Variants in ABAT observed in about 807,000 individuals in gnomAD.
ABAT encodes the protein 4-aminobutyrate aminotransferase, mitochondrial.
Under a neutral mutation model 64.6 loss-of-function variants are expected in ABAT, and 45 were observed. The ratio of observed to expected loss-of-function variants is 0.70; its 90% confidence interval spans 0.55 to 0.89. ABAT has a LOEUF of 0.89. Among genes scored for constraint, ABAT ranks in the 40% least tolerant of loss-of-function variants. The pLI, the probability that ABAT is intolerant of heterozygous loss-of-function variation, is 0.00. For synonymous variants in ABAT, 297 were observed against 250.5 expected (o/e 1.19, Z -1.75); for missense variants, 633 against 658.4 (o/e 0.96, Z 0.42).
chr16:8,735,670 C>T lies in ABAT; in HGVS notation c.-41-29C>T, dbSNP rs770877180. On this transcript the variant is annotated intron_variant, in intron 1 of 15. Coordinates refer to ENST00000268251, the MANE Select transcript of ABAT (RefSeq NM_020686.6). The stretch of plus-strand genomic sequence containing the variant: ...CTGAGAGGGGAGTGGTCTTCATGGG[C>T]CTAAGTCTGCATTTCTGGTTTCTTT... 29 of 1,537,772 alleles carry T rather than the reference C, an allele frequency of 1.9e-5. No individual in the cohort carries two copies. In the Admixed American group the frequency reaches 4.3e-4, roughly 23 times the overall value.
At chr16:8,768,103 A>G (rs1200157702) in intron 9 of ABAT, 90 bp from the exon 10 acceptor site, 3 of 1,377,132 alleles carry the variant, frequency 2.2e-6, no homozygotes, top group Non-Finnish European at 1.0e-6. Flanking sequence ...CTTCTGATAG[A>G]TTTCTGTGTC....
Position 8,764,170 on chromosome 16 carries a change from C to T in ABAT, c.447+21C>T. 6.2e-7 allele frequency: 1 copy of T among 1,602,902 alleles called. No homozygotes were observed. Among genetic ancestry groups the T allele is most frequent in the Non-Finnish European group, 8.5e-7 (1 of 1,171,006 alleles). Reference sequence around the variant, plus strand: ...TCTCGGTGAGTTCTGGAGAAGCAATCCCATTGTCTTCAGACGTGGTACTGG... The same window carrying T: ...TCTCGGTGAGTTCTGGAGAAGCAATTCCATTGTCTTCAGACGTGGTACTGG... On this transcript the variant is annotated intron_variant, in intron 7 of 15. Transcript: ENST00000268251. This position sits in a 1 kb window ranked among gnomAD's most constrained non-coding sequence, Gnocchi z 4.2.
At chr16:8,737,991 G>GAAAGAAAGAAAGAAAAAGAAAGAAAGAAA (rs55862439) in intron 2 of ABAT, among the ~76,000 whole-genome samples, 1 of 14,962 alleles carries the variant, frequency 6.7e-5, no homozygotes. Context: ...GAAGGAAGGA[G>GAAAGAAAGAAAGAAAAAGAAAGAAAGAAA]GAAAGAAAGA....
intron 1 of ABAT, among the ~76,000 whole-genome samples, chr16:8,707,247 T>C (rs2057967195): frequency 1.3e-5 from 2 of 151,810 alleles, no homozygotes; most frequent in South Asian, 2.1e-4. Flanking sequence ...AGTACAGTGG[T>C]GCAATCATGG....
At position 8,722,369 on chromosome 16, in the gene ABAT, G is replaced by A. The variant is rs78392489; in HGVS notation, c.-41-13330G>A. 5.9e-3 allele frequency among the ~76,000 whole-genome samples: 905 copies of A among 152,242 alleles called. 6 individuals are homozygous for A. The highest frequency in any genetic ancestry group is 0.012 in the South Asian group (59 of 4,830). On this transcript the variant is annotated intron_variant, in intron 1 of 15. Transcript: ENST00000268251. Reference sequence around the variant, plus strand: ...TATGTTAGCCAGGCTAGTCTCAAACGCCTGGCCTCAGCTGATCCATCTGCC... The same window carrying A: ...TATGTTAGCCAGGCTAGTCTCAAACACCTGGCCTCAGCTGATCCATCTGCC...
chr16:8,721,828 A>G (rs1379996662), intron 1 of ABAT, among the ~76,000 whole-genome samples: 1 of 152,198 alleles, frequency 6.6e-6, no homozygotes, highest in South Asian at 2.1e-4. Context: ...ACACGAAGGA[A>G]GCAGAGAGAG....
chr16:8,779,664 G>T lies in ABAT; in HGVS notation c.1381+74G>T. 3.2e-6 allele frequency: 4 copies of T among 1,240,094 alleles called. No individual in the cohort carries two copies. In the South Asian group the frequency reaches 4.9e-5, roughly 15 times the overall value. 76.8% of individuals were successfully genotyped at this position (1,240,094 alleles called of 1,614,324 possible). A position where few individuals can be genotyped will look rare whatever the true frequency, so the allele number is the denominator to read the frequency against. ...CTGCTGTAGCTGCCACATGTTGCTA[G>T]GTACTCAGCAATATTTTGTGTGGGG... On this transcript the variant is annotated intron_variant, in intron 15 of 15. Transcript: ENST00000268251.
intron 1 of ABAT, among the ~76,000 whole-genome samples, chr16:8,719,831 A>G (rs972560637): frequency 3.3e-5 from 5 of 152,204 alleles, no homozygotes; most frequent in African/African-American, 1.2e-4. Flanking sequence ...CTTATTTTTG[A>G]GATGGAGTTT....
At chr16:8,729,622 C>T (rs969807951) in intron 1 of ABAT, among the ~76,000 whole-genome samples, 2 of 151,904 alleles carry the variant, frequency 1.3e-5, no homozygotes. Context: ...AGTTTGAGAC[C>T]AGCCTGGGCA....
chr16:8,711,725 A>ATGG (rs879474243), intron 1 of ABAT, among the ~76,000 whole-genome samples: 28 of 97,168 alleles, frequency 2.9e-4, no homozygotes, highest in African/African-American at 8.3e-4. Context: ...GATGGATGGG[A>ATGG]AGATGGATGG....
chr16:8,690,626 C>T (rs538232083), intron 1 of ABAT, among the ~76,000 whole-genome samples: 2 of 152,256 alleles, frequency 1.3e-5, no homozygotes, highest in African/African-American at 2.4e-5. Flanking sequence ...GATGATTTAT[C>T]CAGATCTAAG....
Position 8,784,224 on chromosome 16 carries a change from C to G in ABAT, c.*2794C>G, listed in dbSNP as rs886052447. The G allele has an allele frequency of 2.6e-5, 4 of 152,594 alleles. No homozygotes were observed. The highest frequency in any genetic ancestry group is 1.5e-5 in the Non-Finnish European group (1 of 68,032). 9.5% of individuals were successfully genotyped at this position (152,594 alleles called of 1,614,324 possible). A position where few individuals can be genotyped will look rare whatever the true frequency, so the allele number is the denominator to read the frequency against. On this transcript the variant is annotated 3_prime_UTR_variant, in exon 16 of 16. Transcript: ENST00000268251. ...TCATCACTTTTACAGAAAACAAGGT[C>G]CAGTAATAGCAAGTCTTAGTACATC... is the stretch of plus-strand genomic sequence containing the variant.
chr16:8,758,067 C>T (rs997289846), intron 6 of ABAT, among the ~76,000 whole-genome samples: 4 of 152,144 alleles, frequency 2.6e-5, no homozygotes, highest in African/African-American at 7.2e-5. Flanking sequence ...AGGTAGGCAG[C>T]GCTTTGTGGG....
rs753591515 is a variant in ABAT, at chr16:8,781,287, A to T, written c.1382-22A>T. On this transcript the variant is annotated intron_variant, in intron 15 of 15. Transcript: ENST00000268251. The surrounding 1 kb of genome is among the most constrained non-coding windows in gnomAD (Gnocchi z 4.5). ...GTGACTTTGAGAAACCACGCTCCTC[A>T]CCTACCTCCTGCCTCTTTCAGGTGT... 2 of 1,613,792 alleles carry T rather than the reference A, an allele frequency of 1.2e-6. No individual in the cohort carries two copies. Among genetic ancestry groups the T allele is most frequent in the East Asian group, 4.5e-5 (2 of 44,864 alleles).
intron 1 of ABAT, among the ~76,000 whole-genome samples, chr16:8,708,462 G>T (rs2057998661): frequency 2.0e-5 from 3 of 151,924 alleles, no homozygotes; most frequent in Admixed American, 2.0e-4. Context: ...GGGTGGTGGG[G>T]GGCGCAGGTG....
intron 6 of ABAT, among the ~76,000 whole-genome samples, chr16:8,758,581 G>A (rs958300278): frequency 1.3e-5 from 2 of 151,310 alleles, no homozygotes; most frequent in Non-Finnish European, 3.0e-5. Flanking sequence ...AGATAATTCT[G>A]TGTGGTGGGG....
chr16:8,750,300 A>T (rs1270071474), intron 4 of ABAT, 122 bp from the exon 5 acceptor site: 1 of 880,916 alleles, frequency 1.1e-6, no homozygotes, highest in Non-Finnish European at 1.9e-6. Flanking sequence ...GCACCCACAG[A>T]TGCCTCTGTG....
At chr16:8,724,926 T>TC (rs1488178202) in intron 1 of ABAT, among the ~76,000 whole-genome samples, 8 of 133,602 alleles carry the variant, frequency 6.0e-5, no homozygotes, top group African/African-American at 2.2e-4. Flanking sequence ...TTTTCTTTTT[T>TC]TTTTTTTTGA....
chr16:8,682,176 C>G (rs1023089308), intron 1 of ABAT, among the ~76,000 whole-genome samples: 1 of 134,918 alleles, frequency 7.4e-6, no homozygotes, highest in Admixed American at 8.1e-5. Flanking sequence ...ATTGCTTGTG[C>G]CTAACAGGAT....
Sources: gnomAD v4.1 joint callset for allele counts (sites outside exome capture counted in the v4.1 genomes callset) on GRCh38, gnomAD v4.1.1 for gene constraint, Gnocchi (gnomAD v3.1) non-coding constraint, MANE v1.5 for transcripts, NCBI Gene and HGNC (gene_info 2026-07-23, HGNC 2026-07-21) for gene names.